SIM1: variants seen among roughly 807,000 people sequenced by gnomAD.
The protein encoded by SIM1 is single-minded homolog 1.
A neutral mutation model predicts 78.2 loss-of-function variants in SIM1; 18 were observed. The observed-to-expected ratio is 0.23, with a 90% CI of 0.16 to 0.34. The LOEUF is 0.34. Ranked by LOEUF, SIM1 falls within the 10% of genes least tolerant of loss-of-function variation. The pLI is 1.00. For missense variants in SIM1, 939 were observed against 975.1 expected (o/e 0.96, Z 0.49); for synonymous variants, 417 against 385.2 (o/e 1.08, Z -0.97).
chr6:100,448,718 A>G, intron 6 of SIM1, 40 bp from the exon 7 acceptor site: 1 of 1,573,044 alleles, frequency 6.4e-7, no homozygotes, highest in Non-Finnish European at 8.6e-7. Flanking sequence ...AGCCACAGGT[A>G]GGAAGAGCCC....
intron 10 of SIM1, among the ~76,000 whole-genome samples, chr6:100,403,108 A>G (rs1770968335): frequency 6.6e-6 from 1 of 152,194 alleles, no homozygotes; most frequent in African/African-American, 2.4e-5. Context: ...AATACTGTGC[A>G]CCTTAATTTA....
chr6:100,416,178 C>G (rs531177502), intron 10 of SIM1, among the ~76,000 whole-genome samples: 18 of 152,176 alleles, frequency 1.2e-4, no homozygotes, highest in Middle Eastern at 3.4e-3. Flanking sequence ...AAGTCCCTCT[C>G]AGGTTCATTT....
At chr6:100,401,953 G>A (rs1770925252) in intron 10 of SIM1, among the ~76,000 whole-genome samples, 1 of 152,168 alleles carries the variant, frequency 6.6e-6, no homozygotes, top group South Asian at 2.1e-4. Context: ...CTTGGATTCA[G>A]ACATGGGCGT....
At chr6:100,402,360 G>C (rs1414935174) in intron 10 of SIM1, among the ~76,000 whole-genome samples, 2 of 151,944 alleles carry the variant, frequency 1.3e-5, no homozygotes, top group Admixed American at 1.3e-4. Flanking sequence ...CTAAATAGTA[G>C]GGCCTTTTCT....
rs903268344 is a variant in SIM1, at chr6:100,449,634, C to T, written c.414G>A (p.Ala138=). ...GGTAGGGTTGATGGGCGGTGAGCAC[C>T]GCCGTCATCTCGTCGTGGTCTGCCG... ...IHPADHDEMT[A]VLTAHQPYHS... The change falls in exon 5 of 12, where the codon GCG becomes GCA. Residue 138 remains alanine, a synonymous_variant. Transcript: ENST00000369208. The T allele has an allele frequency of 1.2e-6, 2 of 1,614,166 alleles. No homozygotes were observed. The highest frequency in any genetic ancestry group is 1.3e-5 in the African/African-American group (1 of 75,056).
chr6:100,451,971 G>T (rs1030938862), intron 3 of SIM1, among the ~76,000 whole-genome samples: 4 of 152,198 alleles, frequency 2.6e-5, no homozygotes, highest in African/African-American at 4.8e-5. Flanking sequence ...AGAGAAAGGA[G>T]TTGAGAGGCT....
Position 100,393,884 on chromosome 6 carries a change from C to G in SIM1, c.1173G>C (p.Ser391=), listed in dbSNP as rs563372859. ...ATTCCGATCTTTCTGTGTGAAATCC[C>G]GAATACTGAAACCGAGTAGGGGAGA... The part of the protein sequence containing the change: ...KSRTSPYPQY[S]GFHTERSESD... Residue 391 remains serine (S), a synonymous_variant, in exon 11 of 12, where the codon TCG becomes TCC. Transcript: ENST00000369208. 1 of 1,547,700 alleles carries G rather than the reference C, an allele frequency of 6.5e-7. No homozygotes were observed. The highest frequency in any genetic ancestry group is 2.0e-5 in the Admixed American group (1 of 51,142).
At chr6:100,431,681 G>A (rs922803424) in intron 9 of SIM1, among the ~76,000 whole-genome samples, 6 of 152,138 alleles carry the variant, frequency 3.9e-5, no homozygotes, top group South Asian at 2.1e-4. Flanking sequence ...CACAGAATAC[G>A]TAGTTAACAA....
Position 100,453,769 on chromosome 6 carries a change from A to C in SIM1, c.251T>G (p.Leu84Arg). 2.5e-6 allele frequency: 4 copies of C among 1,611,274 alleles called. No homozygotes were observed. Among genetic ancestry groups the C allele is most frequent in the Middle Eastern group, 1.7e-4 (1 of 6,052 alleles). ...DNVGRELGSH[L>R]LQTLDGFIFV... ...GAAGACCTGCACCTGTACCTGGAGC[A>C]GATGGGAGCCCAGTTCTCGGCCAAC... is the stretch of plus-strand genomic sequence containing the variant. Residue 84 changes from leucine to arginine, a missense_variant, in exon 3 of 12, where the codon CTG becomes CGG. Physicochemically the swap from Leu to Arg is moderately radical, Grantham distance 102 (BLOSUM62 -2). Coordinates refer to ENST00000369208, the MANE Select transcript of SIM1 (RefSeq NM_005068.3).
At chr6:100,447,166 C>A in intron 9 of SIM1, 102 bp downstream of exon 9, 1 of 1,369,378 alleles carries the variant, frequency 7.3e-7, no homozygotes, top group Non-Finnish European at 1.0e-6. Context: ...ATGGCATTCC[C>A]CGTGGCCCGA....
rs1562239436 is a variant in SIM1 at position 100,412,577 on chromosome 6, AAGAAAG to A, written c.1167+8207_1167+8212del. ...AAGAAAAGAAAGAAAGAAAGAAAGA[AAGAAAG>A]AAAGAAAGAAAGAAAGAAAGAAAGA... On this transcript the variant is annotated intron_variant, in intron 10 of 11. Transcript: ENST00000369208. 2.5e-4 allele frequency among the ~76,000 whole-genome samples: 28 copies of A among 112,608 alleles called. 2 individuals carry two copies. The East Asian group carries it at 4.6e-3, about 19-fold the overall frequency. 73.9% of individuals were successfully genotyped at this position (112,608 alleles called of 152,430 possible).
intron 2 of SIM1, among the ~76,000 whole-genome samples, chr6:100,458,041 T>TCTCA (rs1772729878): frequency 1.1e-5 from 1 of 94,492 alleles, no homozygotes; most frequent in Non-Finnish European, 2.5e-5. Flanking sequence ...TCTCTCTCTC[T>TCTCA]CTCTCTCTCT....
chr6:100,401,560 AAATGGTTC>A (rs1181532939), intron 10 of SIM1, among the ~76,000 whole-genome samples: 1 of 152,094 alleles, frequency 6.6e-6, no homozygotes, highest in African/African-American at 2.4e-5. Context: ...ACCTACTCTA[AAATGGTTC>A]AAAAAAAATA....
At chr6:100,444,808 T>C (rs1772313736) in intron 9 of SIM1, among the ~76,000 whole-genome samples, 1 of 152,184 alleles carries the variant, frequency 6.6e-6, no homozygotes. Flanking sequence ...AACGAGCTTA[T>C]GAATGTTGCC....
chr6:100,459,673 T>C (rs1335642607), intron 2 of SIM1, among the ~76,000 whole-genome samples: 4 of 152,224 alleles, frequency 2.6e-5, no homozygotes, highest in Non-Finnish European at 4.4e-5. Flanking sequence ...CTTTCCTGAG[T>C]AGTTACTAAT....
chr6:100,449,444 A>G lies in SIM1; in HGVS notation c.462T>C (p.Tyr154=), dbSNP rs1485394999. The change falls in exon 6 of 12, where the codon TAT becomes TAC. Residue 154 remains tyrosine (Y), a synonymous_variant. Transcript: ENST00000369208. ...QPYHSHFVQE[Y]EIERSFFLRM... is the part of the protein sequence containing the mutation. Reference sequence around the variant, plus strand: ...TCAGGAAGAAGGAGCGCTCGATCTCATACTCTGGGAGAGAGGAACGAAGGG... The same window carrying G: ...TCAGGAAGAAGGAGCGCTCGATCTCGTACTCTGGGAGAGAGGAACGAAGGG... 6 of 1,613,448 alleles carry G rather than the reference A, an allele frequency of 3.7e-6. No individual in the cohort carries two copies. Among genetic ancestry groups the G allele is most frequent in the Non-Finnish European group, 4.2e-6 (5 of 1,179,382 alleles).
chr6:100,397,151 C>T (rs1273571853), intron 10 of SIM1, among the ~76,000 whole-genome samples: 1 of 152,082 alleles, frequency 6.6e-6, no homozygotes, highest in Non-Finnish European at 1.5e-5. Context: ...CCAATTTTCC[C>T]TCCAAGTATC....
chr6:100,404,316 G>A (rs1447422337), intron 10 of SIM1, among the ~76,000 whole-genome samples: 1 of 152,252 alleles, frequency 6.6e-6, no homozygotes, highest in Admixed American at 6.5e-5. Flanking sequence ...AGATGTTATA[G>A]TTATCTATTT....
intron 10 of SIM1, among the ~76,000 whole-genome samples, chr6:100,418,110 C>G (rs1340918364): frequency 6.6e-6 from 1 of 152,038 alleles, no homozygotes; most frequent in Non-Finnish European, 1.5e-5. Flanking sequence ...GAGGCTGACG[C>G]AGGAGGATGG....
Sources: gnomAD v4.1 joint callset for allele counts (sites outside exome capture counted in the v4.1 genomes callset) on GRCh38, gnomAD v4.1.1 for gene constraint, MANE v1.5 for transcripts, NCBI Gene and HGNC (gene_info 2026-07-23, HGNC 2026-07-21) for gene names.